Variants in LEPR observed in about 807,000 individuals in gnomAD.
LEPR encodes leptin receptor.
LEPR carries 56 observed loss-of-function variants against 114.7 expected under a neutral mutation model. The observed-to-expected ratio is 0.49, with a 90% CI of 0.39 to 0.61. The LOEUF (loss-of-function observed/expected upper bound fraction) is 0.61. LEPR is among the 20% of genes least tolerant of loss of function. The pLI is 0.00. For synonymous variants in LEPR, 443 were observed against 461.4 expected, an observed-to-expected ratio of 0.96 and a Z score of 0.51; for missense variants, 1,202 against 1,352.9, an observed-to-expected ratio of 0.89 and a Z score of 1.75.
chr1:65,525,339 G>A (rs1240980587), intron 2 of LEPR, among the ~76,000 whole-genome samples: 1 of 152,178 alleles, frequency 6.6e-6, no homozygotes, highest in Non-Finnish European at 1.5e-5. Context: ...CGCGGGTCCG[G>A]GGTGGGGGGG....
intron 2 of LEPR, among the ~76,000 whole-genome samples, chr1:65,448,024 A>G (rs6657868): frequency 0.56 from 84,971 of 152,040 alleles, 24,449 homozygotes; most frequent in Middle Eastern, 0.66. Flanking sequence ...TCATGTTCTT[A>G]TCCCAGTATT....
rs183083824 is a variant in LEPR at position 65,601,458 on chromosome 1, A to G, written c.1061A>G (p.Tyr354Cys). 24 of 1,613,666 alleles carry G rather than the reference A, an allele frequency of 1.5e-5. No individual in the cohort carries two copies. In the East Asian group the frequency reaches 1.8e-4, roughly 12 times the overall value. ...TCTAATGTTTCTTTTCACTGCATCT[A>G]TAAGAAGGAAAACAAGATTGTTCCC... is the stretch of plus-strand genomic sequence containing the variant. ...VGSNVSFHCI[Y>C]KKENKIVPSK... The change falls in exon 9 of 20, where the codon TAT (tyrosine) becomes TGT (cysteine). Residue 354 changes from tyrosine (Y) to cysteine (C), a missense_variant. Tyr to Cys is a radical substitution (Grantham distance 194). Transcript: ENST00000349533.
chr1:65,483,155 G>A (rs963406896), intron 2 of LEPR, among the ~76,000 whole-genome samples: 3 of 151,902 alleles, frequency 2.0e-5, no homozygotes, highest in African/African-American at 7.2e-5. Flanking sequence ...AGGAGACACT[G>A]TAAGGACAGC....
chr1:65,601,509 AT>A lies in LEPR; in HGVS notation c.1115del (p.Leu372Ter). On this transcript the variant is annotated frameshift_variant, in exon 9 of 20. Transcript: ENST00000349533. LOFTEE classifies it high-confidence loss of function. ...TCAAAAGAGATTGTTTGGTGGATGA[AT>A]TTAGCTGAGAAAATTCCTCAAAGCC... is the stretch of plus-strand genomic sequence containing the variant. ...VPSKEIVWWM[N>X]LAEKIPQSQY... 1 of 1,613,800 alleles carries A rather than the reference AT, an allele frequency of 6.2e-7. No homozygotes were observed.
At chr1:65,524,641 C>T (rs1210441162) in intron 2 of LEPR, among the ~76,000 whole-genome samples, 1 of 152,178 alleles carries the variant, frequency 6.6e-6, no homozygotes, top group African/African-American at 2.4e-5. Flanking sequence ...ATGCTTCTTC[C>T]TATGAGGCCG....
intron 2 of LEPR, among the ~76,000 whole-genome samples, chr1:65,460,269 C>A (rs1027414577): frequency 6.6e-6 from 1 of 152,126 alleles, no homozygotes; most frequent in Admixed American, 6.5e-5. Flanking sequence ...TCCCAAAGAA[C>A]ACAGCTAGCA....
chr1:65,608,243 T>G (rs926211957), intron 11 of LEPR, among the ~76,000 whole-genome samples: 2 of 151,762 alleles, frequency 1.3e-5, no homozygotes, highest in Non-Finnish European at 2.9e-5. Flanking sequence ...CTTTTTTTTT[T>G]TTTTTGAGAC....
chr1:65,459,311 G>C, intron 2 of LEPR, among the ~76,000 whole-genome samples: 1 of 152,200 alleles, frequency 6.6e-6, no homozygotes, highest in Non-Finnish European at 1.5e-5. Flanking sequence ...ACCTCTGAGA[G>C]TTGCCCTTCA....
chr1:65,542,798 C>A (rs556538050), intron 2 of LEPR, among the ~76,000 whole-genome samples: 3 of 151,992 alleles, frequency 2.0e-5, no homozygotes, highest in African/African-American at 7.3e-5. Context: ...TGAACTCATC[C>A]TTTTTTATGG....
chr1:65,464,036 C>A (rs919035532), intron 2 of LEPR, among the ~76,000 whole-genome samples: 27 of 152,126 alleles, frequency 1.8e-4, no homozygotes, highest in African/African-American at 6.0e-4. Context: ...CGCTTGATTG[C>A]CCTAGCCAGA....
chr1:65,468,226 C>G (rs1352555679), intron 2 of LEPR, among the ~76,000 whole-genome samples: 1 of 152,210 alleles, frequency 6.6e-6, no homozygotes, highest in East Asian at 1.9e-4. Flanking sequence ...AGGAGACATG[C>G]TGACTCAATG....
At chr1:65,424,498 T>A (rs1646318135) in intron 1 of LEPR, among the ~76,000 whole-genome samples, 1 of 152,124 alleles carries the variant, frequency 6.6e-6, no homozygotes, top group African/African-American at 2.4e-5. Context: ...AATTCATCCA[T>A]TGGATAGGGG....
chr1:65,636,391 G>T lies in LEPR; in HGVS notation c.2874G>T (p.Gln958His). 6.2e-7 allele frequency: 1 copy of T among 1,614,090 alleles called. No homozygotes were observed. Among genetic ancestry groups the T allele is most frequent in the Non-Finnish European group, 8.5e-7 (1 of 1,179,996 alleles). Residue 958 changes from glutamine (Q) to histidine (H), a missense_variant, in exon 20 of 20, where the codon CAG becomes CAT. Transcript: ENST00000349533. Reference sequence around the variant, plus strand: ...AGGGTTCTGTTTGTATTAGTGACCAGTTCAACAGTGTTAACTTCTCTGAGG... The same window carrying T: ...AGGGTTCTGTTTGTATTAGTGACCATTTCAACAGTGTTAACTTCTCTGAGG... Reference protein sequence around the residue: ...LEKGSVCISDQFNSVNFSEAE... With the variant: ...LEKGSVCISDHFNSVNFSEAE...
At chr1:65,521,147 G>A (rs193215972) in intron 2 of LEPR, among the ~76,000 whole-genome samples, 1 of 152,202 alleles carries the variant, frequency 6.6e-6, no homozygotes, top group East Asian at 1.9e-4. Flanking sequence ...GATGATTCTG[G>A]TGTTAGCTCT....
At chr1:65,515,805 A>T (rs1649256153) in intron 2 of LEPR, among the ~76,000 whole-genome samples, 1 of 152,226 alleles carries the variant, frequency 6.6e-6, no homozygotes, top group South Asian at 2.1e-4. Flanking sequence ...GGGTTAAATT[A>T]TCTGGCTGGG....
chr1:65,498,104 T>G (rs1648256050), intron 2 of LEPR, among the ~76,000 whole-genome samples: 1 of 152,168 alleles, frequency 6.6e-6, no homozygotes, highest in South Asian at 2.1e-4. Context: ...TTAATTTCCC[T>G]AATTTAGAAT....
At chr1:65,579,375 G>A (rs982004828) in intron 5 of LEPR, among the ~76,000 whole-genome samples, 3 of 152,134 alleles carry the variant, frequency 2.0e-5, no homozygotes, top group African/African-American at 7.2e-5. Flanking sequence ...GTTGATAATC[G>A]AAGGGGAGCC....
At chr1:65,432,662 G>C in intron 2 of LEPR, 1 of 983,936 alleles carries the variant, frequency 1.0e-6, no homozygotes, top group Non-Finnish European at 1.2e-6. Context: ...TTTATGAAAA[G>C]TGTTCTCAGA....
intron 5 of LEPR, among the ~76,000 whole-genome samples, chr1:65,588,230 C>T (rs950609118): frequency 6.6e-6 from 1 of 151,966 alleles, no homozygotes; most frequent in African/African-American, 2.4e-5. Context: ...TAAGAAATAA[C>T]AACTGTCTGT....
Sources: allele counts gnomAD v4.1 joint callset (sites outside exome capture counted in the v4.1 genomes callset), GRCh38; gene constraint gnomAD v4.1.1; transcripts MANE v1.5; gene names NCBI Gene and HGNC (gene_info 2026-07-23, HGNC 2026-07-21).